Variants in TANC2 observed in about 807,000 individuals in gnomAD.
TANC2 encodes protein TANC2.
A neutral mutation model predicts 210.5 loss-of-function variants in TANC2; 26 were observed. That is an observed-to-expected ratio of 0.12 (90% confidence interval 0.09 to 0.17). The LOEUF (loss-of-function observed/expected upper bound fraction) is 0.17. Ranked by LOEUF, TANC2 falls within the 10% of genes least tolerant of loss-of-function variation. The pLI is 1.00. For synonymous variants in TANC2, 931 were observed against 967.1 expected, an observed-to-expected ratio of 0.96 and a Z score of 0.69; for missense variants, 2,129 against 2,608.9, an observed-to-expected ratio of 0.82 and a Z score of 4.01.
At chr17:63,007,020 G>C (rs1157696919) in intron 1 of TANC2, among the ~76,000 whole-genome samples, 1 of 151,850 alleles carries the variant, frequency 6.6e-6, no homozygotes, top group Non-Finnish European at 1.5e-5. Flanking sequence ...GAGCCCAGGA[G>C]TTGGAGACTG....
intron 17 of TANC2, among the ~76,000 whole-genome samples, chr17:63,393,783 T>A (rs1372952579): frequency 2.0e-5 from 3 of 151,444 alleles, no homozygotes; most frequent in South Asian, 2.1e-4. Context: ...ATTATTTTTT[T>A]TTTTTGAGAG....
intron 1 of TANC2, among the ~76,000 whole-genome samples, chr17:62,988,990 A>G (rs1432131929): frequency 6.8e-4 from 104 of 152,358 alleles, no homozygotes; most frequent in Non-Finnish European, 7.3e-5. Context: ...TTACTTATGC[A>G]AAAGCATATA....
Position 63,388,459 on chromosome 17 carries a change from T to G in TANC2, c.2692-176T>G, listed in dbSNP as rs181250754. Among the ~76,000 whole-genome samples the G allele has an allele frequency of 2.6e-5, 4 of 152,332 alleles. No homozygotes were observed. The East Asian group carries it at 7.7e-4, about 29-fold the overall frequency. ...GAGATGGAGACTGTTTCAGTTAGCT[T>G]GTTCCTGCAGGACTGGTCTTTGTCC... On this transcript the variant is annotated intron_variant, in intron 15 of 27. Transcript: ENST00000689528.
chr17:63,196,457 T>C (rs2041349645), intron 6 of TANC2, among the ~76,000 whole-genome samples: 1 of 152,232 alleles, frequency 6.6e-6, no homozygotes, highest in Non-Finnish European at 1.5e-5. Context: ...TCTACACAGC[T>C]ACATTTCCTT....
chr17:63,210,468 G>A (rs2041851339), intron 7 of TANC2, among the ~76,000 whole-genome samples: 1 of 152,042 alleles, frequency 6.6e-6, no homozygotes, highest in African/African-American at 2.4e-5. Context: ...CCAATAACCA[G>A]TATAGTTACT....
chr17:63,355,280 G>T (rs748185878), exon 14 of TANC2: 1 of 1,613,178 alleles, frequency 6.2e-7, no homozygotes, highest in African/African-American at 1.3e-5. Flanking sequence ...ACCTCTCCAT[G>T]TTCCTAATCA....
chr17:63,365,052 C>T (rs543767644), intron 14 of TANC2, among the ~76,000 whole-genome samples: 7 of 152,192 alleles, frequency 4.6e-5, no homozygotes, highest in South Asian at 2.1e-4. Context: ...AATGAGTCTC[C>T]GAAGCAATAC....
chr17:62,988,052 A>G (rs2032663197), intron 1 of TANC2, among the ~76,000 whole-genome samples: 1 of 152,154 alleles, frequency 6.6e-6, no homozygotes, highest in Non-Finnish European at 1.5e-5. Context: ...GATGAGAGTA[A>G]TAATTTTTAT....
intron 11 of TANC2, among the ~76,000 whole-genome samples, chr17:63,322,359 G>T (rs903772903): frequency 6.6e-6 from 1 of 152,074 alleles, no homozygotes; most frequent in African/African-American, 2.4e-5. Flanking sequence ...TTAGCCGGGC[G>T]TGGTGGCGGG....
chr17:63,271,781 TAAC>T (rs1394822693), intron 9 of TANC2, among the ~76,000 whole-genome samples: 3 of 151,690 alleles, frequency 2.0e-5, no homozygotes, highest in East Asian at 1.9e-4. Context: ...TGTTTTTTCT[TAAC>T]AAATTAATTT....
chr17:63,104,350 C>A (rs986151743), intron 4 of TANC2, among the ~76,000 whole-genome samples: 2 of 152,012 alleles, frequency 1.3e-5, no homozygotes, highest in Admixed American at 6.6e-5. Flanking sequence ...TCAACTCTTA[C>A]GGAATTTATA....
chr17:63,385,353 A>G (rs1423742040), intron 15 of TANC2, among the ~76,000 whole-genome samples: 1 of 152,224 alleles, frequency 6.6e-6, no homozygotes, highest in Admixed American at 6.5e-5. Flanking sequence ...TAGGAGATTG[A>G]GGCCCAAGTG....
Position 63,209,094 on chromosome 17 carries a change from C to T in TANC2, c.769+8137C>T, listed in dbSNP as rs527365301. On this transcript the variant is annotated intron_variant, in intron 7 of 27. Transcript: ENST00000689528. ...AATCTTAGCTCACTGCAACCTCCAC[C>T]TCAAACTCCTGCTGAAGTGATCCTC... 1.2e-3 allele frequency among the ~76,000 whole-genome samples: 178 copies of T among 152,176 alleles called. 1 individual carries two copies. Among genetic ancestry groups the T allele is most frequent in the African/African-American group, 4.3e-3 (177 of 41,494 alleles).
chr17:63,328,360 GTATGTGTA>G (rs2146689835), intron 11 of TANC2, among the ~76,000 whole-genome samples: 1 of 139,590 alleles, frequency 7.2e-6, no homozygotes, highest in East Asian at 2.0e-4. Context: ...TTAAAACATG[GTATGTGTA>G]TGTGTATATG....
At chr17:63,009,489 T>G in intron 1 of TANC2, 48 bp from the exon 2 acceptor site, 1 of 1,376,730 alleles carries the variant, frequency 7.3e-7, no homozygotes. Flanking sequence ...TCTTATGCTA[T>G]GAAAATAAAG....
intron 7 of TANC2, among the ~76,000 whole-genome samples, chr17:63,207,211 C>CTTTTTTT (rs948663767): frequency 1.1e-4 from 12 of 113,802 alleles, no homozygotes; most frequent in Non-Finnish European, 1.4e-4. Flanking sequence ...TTTTTTTTTC[C>CTTTTTTT]TTTTTTTTTT....
chr17:62,997,168 T>C (rs1193874307), intron 1 of TANC2, among the ~76,000 whole-genome samples: 1 of 148,752 alleles, frequency 6.7e-6, no homozygotes, highest in African/African-American at 2.5e-5. Context: ...CTCACTCTCT[T>C]TCTGTCACCC....
intron 9 of TANC2, among the ~76,000 whole-genome samples, chr17:63,288,283 T>C (rs1244118918): frequency 1.3e-5 from 2 of 152,238 alleles, no homozygotes; most frequent in African/African-American, 4.8e-5. Context: ...AGATTCTGAC[T>C]GGGTTCTCTC....
chr17:63,352,871 CA>C (rs2146887740), intron 13 of TANC2, among the ~76,000 whole-genome samples: 1 of 152,114 alleles, frequency 6.6e-6, no homozygotes, highest in South Asian at 2.1e-4. Flanking sequence ...ACAAGACAGG[CA>C]ATATTCCCAT....
Sources: allele counts gnomAD v4.1 joint callset (sites outside exome capture counted in the v4.1 genomes callset), GRCh38; gene constraint gnomAD v4.1.1; transcripts MANE v1.5; gene names NCBI Gene and HGNC (gene_info 2026-07-23, HGNC 2026-07-21).